Variants in PRAG1 observed in about 807,000 individuals in gnomAD.
PRAG1 encodes the protein PEAK1 related, kinase-activating pseudokinase 1.
In PRAG1, 110 loss-of-function variants were observed where a neutral mutation model predicts 95.6. The ratio of observed to expected loss-of-function variants is 1.15; its 90% CI spans 0.99 to 1.35. The LOEUF (loss-of-function observed/expected upper bound fraction) is 1.35, where lower values mean the gene tolerates loss of function less well. Ranked by LOEUF, PRAG1 falls within the 40% of genes most tolerant of loss-of-function variation. The pLI, the probability that PRAG1 is intolerant of heterozygous loss-of-function variation, is 0.00. For missense variants in PRAG1, 2,554 were observed against 1,864.7 expected (o/e 1.37, Z -6.81); for synonymous variants, 1,052 against 819.4 (o/e 1.28, Z -4.85).
At chr8:8,343,313 A>T (rs372007431) in intron 3 of PRAG1, among the ~76,000 whole-genome samples, 2 of 151,716 alleles carry the variant, frequency 1.3e-5, no homozygotes, top group Admixed American at 1.3e-4. Flanking sequence ...CAGGACAACA[A>T]TGTGATGAAT....
In PRAG1 at chr8:8,377,677, G is replaced by C. The variant is rs760153052; in HGVS notation, c.732C>G (p.Pro244=). 16 of 1,613,768 alleles carry C rather than the reference G, an allele frequency of 9.9e-6. No individual in the cohort carries two copies. Among genetic ancestry groups the C allele is most frequent in the African/African-American group, 1.3e-5 (1 of 74,942 alleles). ...SEDDSDQRCS[P]SGDSEGGEYC... ...ACTCTCCACCCTCGCTGTCCCCGGA[G>C]GGCGAGCACCTTTGATCACTGTCAT... Residue 244 remains proline (P), a synonymous_variant, in exon 3 of 6, where the codon CCC becomes CCG. Transcript: ENST00000615670.
chr8:8,335,093 T>G (rs1411337425), intron 4 of PRAG1, among the ~76,000 whole-genome samples: 2 of 152,078 alleles, frequency 1.3e-5, no homozygotes, highest in Non-Finnish European at 2.9e-5. Context: ...TTTCAGATGC[T>G]GTGATGGAAA....
chr8:8,317,825 T>C lies in PRAG1; in HGVS notation c.*329A>G, dbSNP rs571052134. 2.6e-5 allele frequency: 5 copies of C among 189,372 alleles called. No individual in the cohort carries two copies. The highest frequency in any genetic ancestry group is 2.4e-4 in the Admixed American group (4 of 16,592). The allele number at this position is 189,372 out of a possible 1,614,324, so 11.7% of individuals were successfully genotyped here. A position where few individuals can be genotyped will look rare whatever the true frequency, so the allele number is the denominator to read the frequency against. ...ATTTGACAAAAGGGTGAAGAAATCC[T>C]AAACAAGGTATTGAGGCCAGTGTCC... is the stretch of plus-strand genomic sequence containing the variant. On this transcript the variant is annotated 3_prime_UTR_variant, in exon 6 of 6. Coordinates refer to ENST00000615670, the MANE Select transcript of PRAG1 (RefSeq NM_001080826.3).
At chr8:8,346,698 C>A (rs554879252) in intron 3 of PRAG1, among the ~76,000 whole-genome samples, 1 of 152,182 alleles carries the variant, frequency 6.6e-6, no homozygotes, top group African/African-American at 2.4e-5. Flanking sequence ...TTAACGGATG[C>A]GGGGCCCCAG....
chr8:8,371,171 A>G (rs555737485), intron 3 of PRAG1, among the ~76,000 whole-genome samples: 1 of 151,654 alleles, frequency 6.6e-6, no homozygotes, highest in South Asian at 2.1e-4. Context: ...AAAGCCCAAG[A>G]ATAGATTTAA....
At position 8,377,585 on chromosome 8, in the gene PRAG1, G is replaced by A. The variant is rs1402743640; in HGVS notation, c.824C>T (p.Ser275Phe). The A allele has an allele frequency of 1.9e-6, 3 of 1,612,252 alleles. No individual in the cohort carries two copies. Among genetic ancestry groups the A allele is most frequent in the South Asian group, 2.2e-5 (2 of 90,960 alleles). Residue 275 changes from serine (S) to phenylalanine (F), a missense_variant, in exon 3 of 6, where the codon TCC (serine) becomes TTC (phenylalanine). Physicochemically the swap from Ser to Phe is radical, Grantham distance 155. Coordinates refer to ENST00000615670, the MANE Select transcript of PRAG1 (RefSeq NM_001080826.3). ...GTCCCTGCCACCATGCCTGCCCCGG[G>A]AACCTGCAGTCTGGGAGGCAGCCTT... is the stretch of plus-strand genomic sequence containing the variant. ...VAKAASQTAG[S>F]RGRHGGRDCS...
chr8:8,349,266 C>CTATCTATTTATTTATTTATT (rs538351197), intron 3 of PRAG1, among the ~76,000 whole-genome samples: 201 of 149,342 alleles, frequency 1.3e-3, no homozygotes, highest in African/African-American at 4.9e-3. Flanking sequence ...ATCTATCTAT[C>CTATCTATTTATTTATTTATT]TATTTATTTA....
chr8:8,327,941 G>A lies in PRAG1; in HGVS notation c.2841C>T (p.Ser947=), dbSNP rs1471387598. 6.2e-7 allele frequency: 1 copy of A among 1,612,866 alleles called. No individual in the cohort carries two copies. Among genetic ancestry groups the A allele is most frequent in the African/African-American group, 1.3e-5 (1 of 74,902 alleles). ...QLHGLLSNIS[S]KEGTYAKLGG... ...CCAGCTTGGCATAGGTGCCCTCCTT[G>A]CTGCTGATGTTGCTCAGGAGACCGT... The change falls in exon 5 of 6, where the codon AGC becomes AGT. Residue 947 remains serine, a synonymous_variant. Coordinates refer to ENST00000615670, the MANE Select transcript of PRAG1 (RefSeq NM_001080826.3).
chr8:8,352,542 T>C (rs931620964), intron 3 of PRAG1, among the ~76,000 whole-genome samples: 2 of 152,206 alleles, frequency 1.3e-5, no homozygotes, highest in African/African-American at 2.4e-5. Context: ...ACCATACTCA[T>C]CTCTCTCAAG....
At chr8:8,380,808 G>T (rs952034201) in intron 2 of PRAG1, among the ~76,000 whole-genome samples, 2 of 131,646 alleles carry the variant, frequency 1.5e-5, no homozygotes, top group East Asian at 4.3e-4. Context: ...AGCTGAGATC[G>T]CACCACTACA....
intron 2 of PRAG1, 93 bp from the exon 3 acceptor site, chr8:8,378,171 G>A: frequency 7.1e-7 from 1 of 1,417,006 alleles, no homozygotes; most frequent in Non-Finnish European, 9.4e-7. Flanking sequence ...CAACGATACT[G>A]TAGAATGTCT....
intron 5 of PRAG1, among the ~76,000 whole-genome samples, chr8:8,321,097 T>C (rs1463766933): frequency 6.6e-6 from 1 of 152,234 alleles, no homozygotes; most frequent in Non-Finnish European, 1.5e-5. Context: ...TACCCAACTC[T>C]ACTCGGTTTT....
intron 4 of PRAG1, among the ~76,000 whole-genome samples, chr8:8,333,258 A>G (rs990570372): frequency 1.3e-5 from 2 of 152,252 alleles, no homozygotes; most frequent in Non-Finnish European, 2.9e-5. Flanking sequence ...TAATTGGGCC[A>G]GAGGGCTCCA....
intron 3 of PRAG1, among the ~76,000 whole-genome samples, chr8:8,347,802 G>A (rs985491364): frequency 2.0e-5 from 3 of 150,116 alleles, no homozygotes; most frequent in African/African-American, 7.4e-5. Context: ...CCTCTAGTGA[G>A]AGATCAATTC....
intron 2 of PRAG1, among the ~76,000 whole-genome samples, chr8:8,380,323 G>T (rs189366891): frequency 1.4e-4 from 22 of 152,156 alleles, no homozygotes; most frequent in African/African-American, 5.1e-4. Flanking sequence ...AATAGGCCAG[G>T]CGCGGTGGCT....
chr8:8,373,495 G>A (rs1800282184), intron 3 of PRAG1, among the ~76,000 whole-genome samples: 3 of 140,058 alleles, frequency 2.1e-5, no homozygotes, highest in Non-Finnish European at 4.5e-5. Context: ...TGTTGCTCAG[G>A]CAGGAGTACA....
At chr8:8,331,258 T>C (rs1485227945) in intron 4 of PRAG1, among the ~76,000 whole-genome samples, 1 of 152,188 alleles carries the variant, frequency 6.6e-6, no homozygotes, top group African/African-American at 2.4e-5. Context: ...TATTTCTCCA[T>C]GTTTATTGAT....
rs1798947880 is a variant in PRAG1 at position 8,335,151 on chromosome 8, T to C, written c.2320+4327A>G. Among the ~76,000 whole-genome samples, 3 of 152,172 alleles carry C rather than the reference T, an allele frequency of 2.0e-5. No individual in the cohort carries two copies. In the South Asian group the frequency reaches 6.2e-4, roughly 31 times the overall value. On this transcript the variant is annotated intron_variant, in intron 4 of 5. Transcript: ENST00000615670. ...ATACTTTGGTAATATTTATTTAAAA[T>C]ACACATACAGTTTGATATGTCAGTT...
At chr8:8,350,604 G>A (rs1315509378) in intron 3 of PRAG1, among the ~76,000 whole-genome samples, 1 of 152,320 alleles carries the variant, frequency 6.6e-6, no homozygotes, top group East Asian at 1.9e-4. Flanking sequence ...GAACAATGAT[G>A]CTAGCAGTTG....
Sources: gnomAD v4.1 joint callset for allele counts (sites outside exome capture counted in the v4.1 genomes callset) on GRCh38, gnomAD v4.1.1 for gene constraint, MANE v1.5 for transcripts, NCBI Gene and HGNC (gene_info 2026-07-23, HGNC 2026-07-21) for gene names.